The following BSN variants were observed in gnomAD, a reference collection of about 807,000 sequenced individuals.
BSN encodes the protein protein bassoon.
A neutral mutation model predicts 264.8 loss-of-function variants in BSN; 57 were observed. The observed-to-expected ratio is 0.22, with a 90% CI of 0.17 to 0.27. BSN has a LOEUF of 0.27. Ranked by LOEUF, BSN falls within the 10% of genes least tolerant of loss-of-function variation. The pLI, the probability that BSN is intolerant of heterozygous loss-of-function variation, is 1.00. For missense variants in BSN, 4,615 were observed against 5,232.5 expected, an observed-to-expected ratio of 0.88 and a Z score of 3.64; for synonymous variants, 2,059 against 2,137.3, an observed-to-expected ratio of 0.96 and a Z score of 1.01.
chr3:49,565,566 C>A (rs930747393), intron 1 of BSN, among the ~76,000 whole-genome samples: 1 of 152,020 alleles, frequency 6.6e-6, no homozygotes, highest in African/African-American at 2.4e-5. Context: ...GTGATCCACC[C>A]GCCTCGGCCT....
At chr3:49,617,658 CTTTG>C (rs909933769) in intron 1 of BSN, among the ~76,000 whole-genome samples, 2 of 152,110 alleles carry the variant, frequency 1.3e-5, no homozygotes, top group Non-Finnish European at 2.9e-5. Context: ...TGGCGGAGAC[CTTTG>C]TTTGTGTCTC....
Position 49,561,351 on chromosome 3 carries a change from C to T in BSN, c.224+6525C>T, listed in dbSNP as rs1042407623. Reference sequence around the variant, plus strand: ...CACCCAGTCCTATCTGGGACTAACCCCTGTATCCAGAGGAGCCCGAGCTCT... The same window carrying T: ...CACCCAGTCCTATCTGGGACTAACCTCTGTATCCAGAGGAGCCCGAGCTCT... On this transcript the variant is annotated intron_variant, in intron 1 of 11. Coordinates refer to ENST00000296452, the MANE Select transcript of BSN (RefSeq NM_003458.4). Among the ~76,000 whole-genome samples, 4 of 152,270 alleles carry T rather than the reference C, an allele frequency of 2.6e-5. No individual in the cohort carries two copies. In the South Asian group the frequency reaches 6.2e-4, roughly 24 times the overall value.
At chr3:49,639,636 T>C (rs1386383823) in intron 2 of BSN, among the ~76,000 whole-genome samples, 1 of 152,220 alleles carries the variant, frequency 6.6e-6, no homozygotes, top group African/African-American at 2.4e-5. Context: ...TGCCAGGGTT[T>C]GCAGTGCTGA....
At chr3:49,609,834 C>A (rs953230260) in intron 1 of BSN, among the ~76,000 whole-genome samples, 5 of 152,172 alleles carry the variant, frequency 3.3e-5, no homozygotes, top group African/African-American at 1.2e-4. Context: ...ACTTGTCTAT[C>A]GTCAGCCTGG....
rs1301018969 is a variant in BSN at position 49,554,788 on chromosome 3, CCCCGGCCCCGGCCCCGGT to C, written c.195_212del (p.Pro69_Gly74del). On this transcript the variant is annotated inframe_deletion, in exon 1 of 12. Transcript: ENST00000296452. The stretch of plus-strand genomic sequence containing the variant: ...CGACCGCGGTACCACCGGTCCCTGG[CCCCGGCCCCGGCCCCGGT>C]CCCGGCCCTGGCCCGGGCAGGTAAG... The C allele has an allele frequency of 5.7e-6, 7 of 1,222,760 alleles. No homozygotes were observed. The highest frequency in any genetic ancestry group is 7.1e-6 in the Non-Finnish European group (7 of 982,612). 75.7% of individuals were successfully genotyped at this position (1,222,760 alleles called of 1,614,324 possible).
At chr3:49,626,073 T>C in intron 2 of BSN, among the ~76,000 whole-genome samples, 1 of 152,208 alleles carries the variant, frequency 6.6e-6, no homozygotes, top group East Asian at 1.9e-4. Flanking sequence ...GGCTTCTTTT[T>C]CGCCCAAGAG....
At chr3:49,572,737 G>A (rs1442905470) in intron 1 of BSN, among the ~76,000 whole-genome samples, 4 of 152,194 alleles carry the variant, frequency 2.6e-5, no homozygotes, top group Non-Finnish European at 5.9e-5. Context: ...GTTTCACCAT[G>A]TTAGCCAGGA....
intron 1 of BSN, among the ~76,000 whole-genome samples, chr3:49,570,639 A>T (rs2051788486): frequency 6.6e-6 from 1 of 152,128 alleles, no homozygotes; most frequent in African/African-American, 2.4e-5. Flanking sequence ...CCTTTTCTAG[A>T]TAGTAAGAAA....
At position 49,652,364 on chromosome 3, in the gene BSN, C is replaced by T; in HGVS notation, c.2808C>T (p.Leu936=). ...GGLRRFKTIE[L]NSTGSYGHEL... is the part of the protein sequence containing the mutation. Reference sequence around the variant, plus strand: ...TCCGTCGCTTCAAGACCATTGAGCTCAACAGCACGGGAAGTTATGGTCATG... The same window carrying T: ...TCCGTCGCTTCAAGACCATTGAGCTTAACAGCACGGGAAGTTATGGTCATG... Residue 936 remains leucine (L), a synonymous_variant, in exon 5 of 12, where the codon CTC becomes CTT. Coordinates refer to ENST00000296452, the MANE Select transcript of BSN (RefSeq NM_003458.4). 6.2e-7 allele frequency: 1 copy of T among 1,607,082 alleles called. No homozygotes were observed. Among genetic ancestry groups the T allele is most frequent in the South Asian group, 1.1e-5 (1 of 90,052 alleles).
intron 3 of BSN, among the ~76,000 whole-genome samples, chr3:49,649,267 C>A (rs951111805): frequency 1.3e-5 from 2 of 152,220 alleles, no homozygotes; most frequent in African/African-American, 4.8e-5. Context: ...TTTTCCAGTC[C>A]TCTGGCTCTG....
At chr3:49,648,964 A>G (rs1044565593) in intron 3 of BSN, among the ~76,000 whole-genome samples, 8 of 152,216 alleles carry the variant, frequency 5.3e-5, no homozygotes, top group Admixed American at 1.3e-4. Flanking sequence ...CTCGACCCTG[A>G]GTAACCAGCC....
At position 49,575,693 on chromosome 3, in the gene BSN, A is replaced by T. The variant is rs1179403468; in HGVS notation, c.224+20867A>T. On this transcript the variant is annotated intron_variant, in intron 1 of 11. Transcript: ENST00000296452. ...ATATATATATACAAGTAAGACACAG[A>T]CACATTCTTGGAGTAATATTCAAAC... 2.7e-5 allele frequency among the ~76,000 whole-genome samples: 4 copies of T among 149,606 alleles called. No individual in the cohort carries two copies. The East Asian group carries it at 7.8e-4, about 29-fold the overall frequency.
In BSN at chr3:49,642,230, C is replaced by G. The variant is rs1301132388; in HGVS notation, c.634-38C>G. The G allele has an allele frequency of 6.8e-7, 1 of 1,474,370 alleles. No homozygotes were observed. The highest frequency in any genetic ancestry group is 2.4e-5 in the East Asian group (1 of 41,740). The allele number at this position is 1,474,370 out of a possible 1,614,324, so 91.3% of individuals were successfully genotyped here. On this transcript the variant is annotated intron_variant, in intron 2 of 11. Transcript: ENST00000296452. This position sits in a 1 kb window ranked among gnomAD's most constrained non-coding sequence, Gnocchi z 7.0. ...GACCTGGGCCATGAGTACTGCCAAT[C>G]CTGGCCACCCTGCTGACTATTTTGC...
At chr3:49,613,329 AG>A (rs1457341673) in intron 1 of BSN, among the ~76,000 whole-genome samples, 30 of 149,276 alleles carry the variant, frequency 2.0e-4, no homozygotes, top group African/African-American at 6.6e-4. Context: ...AGAGAGAGAG[AG>A]AGAGAGAGAG....
At position 49,668,729 on chromosome 3, in the gene BSN, A is replaced by G. The variant is rs1002347320; in HGVS notation, c.*1244A>G. The G allele has an allele frequency of 6.6e-6, 1 of 152,600 alleles. No individual in the cohort carries two copies. The highest frequency in any genetic ancestry group is 2.4e-5 in the African/African-American group (1 of 41,420). The allele number at this position is 152,600 out of a possible 1,614,324, so 9.5% of individuals were successfully genotyped here. On this transcript the variant is annotated 3_prime_UTR_variant, in exon 12 of 12. Transcript: ENST00000296452. Reference sequence around the variant, plus strand: ...AAAGGCCCAGAGCCCTGTGCGGGGGAATGTGGCACTGTCTATCCATCCGGT... The same window carrying G: ...AAAGGCCCAGAGCCCTGTGCGGGGGGATGTGGCACTGTCTATCCATCCGGT...
chr3:49,628,414 C>T (rs2052359521), intron 2 of BSN, among the ~76,000 whole-genome samples: 1 of 152,236 alleles, frequency 6.6e-6, no homozygotes, highest in African/African-American at 2.4e-5. Context: ...GCTGCAGAAA[C>T]AGCAGATGAG....
At position 49,564,084 on chromosome 3, in the gene BSN, T is replaced by A. The variant is rs557747074; in HGVS notation, c.224+9258T>A. ...CCAGCTCCTGTGGCTGTGATGGGACTCTGAGACCCTTGCCAGCCTGGACTG... is the reference window on the plus strand; with the variant it reads ...CCAGCTCCTGTGGCTGTGATGGGACACTGAGACCCTTGCCAGCCTGGACTG... On this transcript the variant is annotated intron_variant, in intron 1 of 11. Coordinates refer to ENST00000296452, the MANE Select transcript of BSN (RefSeq NM_003458.4). Among the ~76,000 whole-genome samples the A allele has an allele frequency of 1.1e-4, 17 of 152,316 alleles. No individual in the cohort carries two copies. The South Asian group carries it at 2.9e-3, about 26-fold the overall frequency.
intron 1 of BSN, among the ~76,000 whole-genome samples, chr3:49,621,799 C>T (rs2052308893): frequency 6.6e-6 from 1 of 152,096 alleles, no homozygotes; most frequent in Non-Finnish European, 1.5e-5. Flanking sequence ...CTTACCGTAA[C>T]CTTGATCTCC....
Position 49,657,102 on chromosome 3 carries a change from C to A in BSN, c.7546C>A (p.Pro2516Thr). The change falls in exon 5 of 12, where the codon CCT (proline) becomes ACT (threonine). Residue 2516 changes from proline (P) to threonine (T), a missense_variant. Coordinates refer to ENST00000296452, the MANE Select transcript of BSN (RefSeq NM_003458.4). The stretch of plus-strand genomic sequence containing the variant: ...TGCAGCCTTCATTGCCATGGCAGGG[C>A]CTGAAGGACTTGGGCAGCCTCGTGA... ...THAAFIAMAG[P>T]EGLGQPREPV... 6.2e-7 allele frequency: 1 copy of A among 1,611,020 alleles called. No individual in the cohort carries two copies. The highest frequency in any genetic ancestry group is 8.5e-7 in the Non-Finnish European group (1 of 1,178,356).
Sources: gnomAD v4.1 joint callset for allele counts (sites outside exome capture counted in the v4.1 genomes callset) on GRCh38, gnomAD v4.1.1 for gene constraint, Gnocchi (gnomAD v3.1) non-coding constraint, MANE v1.5 for transcripts, NCBI Gene and HGNC (gene_info 2026-07-23, HGNC 2026-07-21) for gene names.